Variants in PLSCR2 observed in about 807,000 individuals in gnomAD.
The protein encoded by PLSCR2 is PL scramblase 2.
A neutral mutation model predicts 25.3 loss-of-function variants in PLSCR2; 18 were observed. The ratio of observed to expected loss-of-function variants is 0.71; its 90% CI spans 0.49 to 1.06. The LOEUF (loss-of-function observed/expected upper bound fraction) is 1.06. Among genes scored for constraint, PLSCR2 ranks in the 50% least tolerant of loss-of-function variants. The pLI, the probability that PLSCR2 is intolerant of heterozygous loss-of-function variation, is 0.00. For synonymous variants in PLSCR2, 88 were observed against 87.3 expected (o/e 1.01, Z -0.04); for missense variants, 243 against 269.5 (o/e 0.90, Z 0.69).
At chr3:146,427,347 GGAGACT>G (rs1319814417) in intron 2 of PLSCR2, among the ~76,000 whole-genome samples, 1 of 152,174 alleles carries the variant, frequency 6.6e-6, no homozygotes, top group Non-Finnish European at 1.5e-5. Flanking sequence ...CAGGATTCCT[GGAGACT>G]GAAAGAGAGC....
intron 1 of PLSCR2, among the ~76,000 whole-genome samples, chr3:146,478,978 C>T (rs1265974952): frequency 6.6e-6 from 1 of 152,106 alleles, no homozygotes; most frequent in Admixed American, 6.6e-5. Flanking sequence ...CCCAGAATTT[C>T]ATATCCAGCC....
chr3:146,484,066 C>A (rs1404999329), intron 1 of PLSCR2, among the ~76,000 whole-genome samples: 1 of 151,646 alleles, frequency 6.6e-6, no homozygotes, highest in African/African-American at 2.4e-5. Context: ...GAGCTGCTAA[C>A]TGGAATAACC....
At chr3:146,473,835 A>G (rs1214136963) in intron 1 of PLSCR2, among the ~76,000 whole-genome samples, 1 of 152,166 alleles carries the variant, frequency 6.6e-6, no homozygotes, top group Non-Finnish European at 1.5e-5. Flanking sequence ...TTTTCTAATA[A>G]ATTCCCATGT....
At chr3:146,492,114 G>A (rs1157739318) in intron 1 of PLSCR2, among the ~76,000 whole-genome samples, 1 of 152,104 alleles carries the variant, frequency 6.6e-6, no homozygotes, top group East Asian at 1.9e-4. Context: ...GCTCAGATCA[G>A]CAATTCTCAG....
In PLSCR2 at chr3:146,469,424, G is replaced by A. The variant is rs936422285; in HGVS notation, c.-292-9140C>T. On this transcript the variant is annotated intron_variant, in intron 1 of 8. Coordinates refer to the PLSCR2 transcript ENST00000336685. ...TCTGACGCAAACACAATTATGGGGC[G>A]GAGCATCGTCCCCACTAGCCAGGCA... 5.5e-6 allele frequency: 5 copies of A among 907,244 alleles called. No homozygotes were observed. In the African/African-American group the frequency reaches 7.2e-5, roughly 13 times the overall value. 56.2% of individuals were successfully genotyped at this position (907,244 alleles called of 1,614,324 possible). A position where few individuals can be genotyped will look rare whatever the true frequency, so the allele number is the denominator to read the frequency against.
intron 1 of PLSCR2, among the ~76,000 whole-genome samples, chr3:146,484,042 A>T (rs2043254173): frequency 6.6e-6 from 1 of 151,890 alleles, no homozygotes; most frequent in South Asian, 2.1e-4. Context: ...AAGAACCATG[A>T]TAGAAGGTTA....
At chr3:146,439,252 CT>C (rs1309609061), downstream of PLSCR2, among the ~76,000 whole-genome samples, 1 of 152,098 alleles carries the variant, frequency 6.6e-6, no homozygotes, top group Non-Finnish European at 1.5e-5. Flanking sequence ...AACTATGTGT[CT>C]TGGAGTTGCT....
At chr3:146,421,392 G>T (rs1475296510) in intron 2 of PLSCR2, among the ~76,000 whole-genome samples, 1 of 151,992 alleles carries the variant, frequency 6.6e-6, no homozygotes, top group Non-Finnish European at 1.5e-5. Flanking sequence ...AAAGGTTATA[G>T]ATTCTTTAGC....
chr3:146,393,819 A>AAAAAC (rs1448720436), intron 3 of PLSCR2, among the ~76,000 whole-genome samples: 13 of 151,834 alleles, frequency 8.6e-5, no homozygotes, highest in Admixed American at 6.6e-4. Flanking sequence ...AAAAAAAAAA[A>AAAAAC]AAAAACTTCT....
intron 6 of PLSCR2, among the ~76,000 whole-genome samples, chr3:146,442,694 C>T (rs2040323035): frequency 6.6e-6 from 1 of 152,028 alleles, no homozygotes; most frequent in African/African-American, 2.4e-5. Flanking sequence ...AAGGTACCAC[C>T]ACCACACAAT....
rs1464080377 is a variant in PLSCR2 at position 146,469,597 on chromosome 3, C to A, written c.-292-9313G>T. The A allele has an allele frequency of 3.0e-6, 3 of 985,086 alleles. No homozygotes were observed. In the African/African-American group the frequency reaches 5.2e-5, roughly 17 times the overall value. 61.0% of individuals were successfully genotyped at this position (985,086 alleles called of 1,614,324 possible). A position where few individuals can be genotyped will look rare whatever the true frequency, so the allele number is the denominator to read the frequency against. ...TGCCAGGCACACCTGTTGCACAGCC[C>A]TCCCGGAAGTCGGCGGAAAAGGGGC... On this transcript the variant is annotated intron_variant, in intron 1 of 8. Coordinates refer to the PLSCR2 transcript ENST00000336685.
chr3:146,480,857 C>A (rs1409419742), intron 1 of PLSCR2, among the ~76,000 whole-genome samples: 1 of 151,882 alleles, frequency 6.6e-6, no homozygotes, highest in Non-Finnish European at 1.5e-5. Context: ...AAACCGAATC[C>A]AGCAGCACAT....
chr3:146,490,662 T>C (rs1166664870), intron 1 of PLSCR2, among the ~76,000 whole-genome samples: 1 of 152,116 alleles, frequency 6.6e-6, no homozygotes, highest in Non-Finnish European at 1.5e-5. Context: ...GAAATAAGAA[T>C]ATCAATTCCT....
At chr3:146,472,557 G>A (rs529894019) in intron 1 of PLSCR2, among the ~76,000 whole-genome samples, 6 of 152,232 alleles carry the variant, frequency 3.9e-5, no homozygotes, top group East Asian at 1.9e-4. Flanking sequence ...TCTTCTCACC[G>A]GGTCCTCACA....
chr3:146,495,449 T>C (rs561386568), intron 1 of PLSCR2, among the ~76,000 whole-genome samples: 2 of 152,324 alleles, frequency 1.3e-5, no homozygotes, highest in East Asian at 1.9e-4. Context: ...GAAATTAATA[T>C]GTTAAAGTCC....
chr3:146,399,734 CTTTT>C (rs949480138), intron 2 of PLSCR2, among the ~76,000 whole-genome samples: 2 of 149,806 alleles, frequency 1.3e-5, no homozygotes, highest in African/African-American at 4.9e-5. Context: ...CTCTCTCTCT[CTTTT>C]TTTTTCTTTC....
Position 146,459,843 on chromosome 3 carries a change from AT to A in PLSCR2, c.57+4del. 1 of 1,591,636 alleles carries A rather than the reference AT, an allele frequency of 6.3e-7. No individual in the cohort carries two copies. On this transcript the variant is annotated splice_donor_region_variant and intron_variant, in intron 2 of 6. Coordinates refer to ENST00000610787, the Ensembl canonical transcript of PLSCR2. The stretch of plus-strand genomic sequence containing the variant: ...TTTCTGAGTATTTTACGTATTTGAA[AT>A]TACCTGACTTAAGTATTCCAATCCT...
intron 2 of PLSCR2, among the ~76,000 whole-genome samples, chr3:146,396,763 C>CAAGGTT (rs2038288537): frequency 6.6e-6 from 1 of 152,124 alleles, no homozygotes; most frequent in Non-Finnish European, 1.5e-5. Flanking sequence ...CTGCTCATAA[C>CAAGGTT]ACAGCCTTGT....
chr3:146,477,795 A>T (rs1004164938), intron 1 of PLSCR2, among the ~76,000 whole-genome samples: 2 of 152,116 alleles, frequency 1.3e-5, no homozygotes, highest in African/African-American at 4.8e-5. Flanking sequence ...TGAGTCTCTG[A>T]CCCTCGTGTA....
Sources: gnomAD v4.1 joint callset for allele counts (sites outside exome capture counted in the v4.1 genomes callset) on GRCh38, gnomAD v4.1.1 for gene constraint, MANE v1.5 for transcripts, NCBI Gene and HGNC (gene_info 2026-07-23, HGNC 2026-07-21) for gene names.